FNIP1: variants seen among roughly 807,000 people sequenced by gnomAD.
The protein encoded by FNIP1 is folliculin-interacting protein 1.
A neutral mutation model predicts 124.5 loss-of-function variants in FNIP1; 40 were observed. The ratio of observed to expected loss-of-function variants is 0.32; its 90% CI spans 0.25 to 0.42. FNIP1 has a LOEUF of 0.42. Among genes scored for constraint, FNIP1 ranks in the 10% least tolerant of loss-of-function variants. FNIP1 has a pLI of 1.00. For missense variants in FNIP1, 1,176 were observed against 1,403.7 expected, an observed-to-expected ratio of 0.84 and a Z score of 2.59; for synonymous variants, 472 against 470.6, an observed-to-expected ratio of 1.00 and a Z score of -0.04.
At chr5:131,787,697 GT>G (rs1275442701) in intron 1 of FNIP1, among the ~76,000 whole-genome samples, 1 of 152,162 alleles carries the variant, frequency 6.6e-6, no homozygotes, top group East Asian at 1.9e-4. Flanking sequence ...AATTAAATGA[GT>G]TAATAGGTGT....
intron 1 of FNIP1, among the ~76,000 whole-genome samples, chr5:131,755,935 G>A (rs1010079562): frequency 2.0e-5 from 3 of 151,994 alleles, no homozygotes; most frequent in African/African-American, 7.3e-5. Context: ...CTTGAACCTG[G>A]GAGGCAAAGG....
At chr5:131,667,015 G>C (rs1767622526) in intron 15 of FNIP1, among the ~76,000 whole-genome samples, 1 of 152,100 alleles carries the variant, frequency 6.6e-6, no homozygotes, top group African/African-American at 2.4e-5. Context: ...ACAAATAATA[G>C]GCACTTCATC....
intron 2 of FNIP1, among the ~76,000 whole-genome samples, chr5:131,741,573 T>C (rs1032348848): frequency 3.9e-5 from 6 of 152,224 alleles, no homozygotes; most frequent in African/African-American, 1.4e-4. Context: ...TGTTATATTC[T>C]TCATTGACAA....
chr5:131,766,450 T>TA (rs1771428556), intron 1 of FNIP1, among the ~76,000 whole-genome samples: 1 of 152,236 alleles, frequency 6.6e-6, no homozygotes. Flanking sequence ...GAATGCTGGT[T>TA]AAATCTCCTT....
intron 1 of FNIP1, among the ~76,000 whole-genome samples, chr5:131,781,720 C>T (rs1356159254): frequency 2.0e-5 from 3 of 152,154 alleles, no homozygotes; most frequent in Admixed American, 2.0e-4. Flanking sequence ...CACCAAAGAG[C>T]TCCAATGGTG....
chr5:131,791,110 A>G lies in FNIP1; in HGVS notation c.92+5720T>C, dbSNP rs545143782. ...ATGATAATTAAAACAAAAAACCTGC[A>G]GTGAACAGCTCATTACCAATTACTT... is the stretch of plus-strand genomic sequence containing the variant. On this transcript the variant is annotated intron_variant, in intron 1 of 17. Transcript: ENST00000510461. Among the ~76,000 whole-genome samples the G allele has an allele frequency of 1.0e-3, 152 of 152,384 alleles. 1 individual carries two copies. The highest frequency in any genetic ancestry group is 3.4e-3 in the Middle Eastern group (1 of 294).
chr5:131,686,253 T>C (rs1028249714), intron 11 of FNIP1, among the ~76,000 whole-genome samples: 1 of 152,208 alleles, frequency 6.6e-6, no homozygotes, highest in East Asian at 1.9e-4. Context: ...CTGCTAAGAG[T>C]TGAACAGTAA....
intron 9 of FNIP1, 41 bp downstream of exon 9, chr5:131,706,370 G>C: frequency 1.3e-6 from 2 of 1,505,626 alleles, no homozygotes; most frequent in South Asian, 2.7e-5. Context: ...TGTGTTTAAG[G>C]AACTACTCAA....
At chr5:131,727,756 CT>C (rs1479398518) in intron 3 of FNIP1, among the ~76,000 whole-genome samples, 1 of 152,178 alleles carries the variant, frequency 6.6e-6, no homozygotes, top group Admixed American at 6.5e-5. Context: ...TTTGTTCATG[CT>C]GTTTCTTCTT....
intron 6 of FNIP1, among the ~76,000 whole-genome samples, chr5:131,714,508 G>A (rs1455756353): frequency 6.6e-6 from 1 of 152,170 alleles, no homozygotes. Context: ...AAATTCCTCA[G>A]TGTGGCCTAC....
chr5:131,796,959 C>A lies in FNIP1; in HGVS notation c.-38G>T. ...CAGGCAGGGGTCGCTCCGCTGGGCG[C>A]TTGCTAGGCCCCTGCTCCTACAGCC... On this transcript the variant is annotated 5_prime_UTR_variant, in exon 1 of 18. Transcript: ENST00000510461. 6.5e-7 allele frequency: 1 copy of A among 1,550,126 alleles called. No homozygotes were observed. Among genetic ancestry groups the A allele is most frequent in the South Asian group, 1.2e-5 (1 of 85,280 alleles).
At chr5:131,682,598 T>C (rs1768127281) in intron 11 of FNIP1, among the ~76,000 whole-genome samples, 1 of 152,024 alleles carries the variant, frequency 6.6e-6, no homozygotes, top group Admixed American at 6.6e-5. Flanking sequence ...GTGCCTGTAA[T>C]TCCAGCTACT....
chr5:131,726,972 T>C (rs1769898669), intron 3 of FNIP1, among the ~76,000 whole-genome samples: 1 of 152,242 alleles, frequency 6.6e-6, no homozygotes, highest in African/African-American at 2.4e-5. Context: ...GTGAGTTTCT[T>C]AATCCTGAAT....
intron 3 of FNIP1, among the ~76,000 whole-genome samples, chr5:131,722,757 C>A (rs1194163969): frequency 6.6e-6 from 1 of 152,198 alleles, no homozygotes; most frequent in Non-Finnish European, 1.5e-5. Context: ...ACAATCTCGG[C>A]TCACTGCAAC....
chr5:131,791,945 CT>C (rs1419588967), intron 1 of FNIP1, among the ~76,000 whole-genome samples: 1 of 151,838 alleles, frequency 6.6e-6, no homozygotes, highest in African/African-American at 2.4e-5. Context: ...AAAAGCCATC[CT>C]TTAATGAGTC....
At chr5:131,775,214 C>G (rs1771760674) in intron 1 of FNIP1, among the ~76,000 whole-genome samples, 1 of 152,142 alleles carries the variant, frequency 6.6e-6, no homozygotes, top group African/African-American at 2.4e-5. Flanking sequence ...AGACAGCAAA[C>G]AAACCTACGT....
chr5:131,721,776 C>T (rs561015932), intron 3 of FNIP1, among the ~76,000 whole-genome samples: 21 of 152,230 alleles, frequency 1.4e-4, no homozygotes, highest in Admixed American at 2.6e-4. Context: ...CCAGCCTGGG[C>T]GACAGAGCAA....
chr5:131,693,319 C>CACATATATATAT, intron 11 of FNIP1, among the ~76,000 whole-genome samples: 1 of 41,614 alleles, frequency 2.4e-5, no homozygotes, highest in South Asian at 8.2e-4. Context: ...TATATATACA[C>CACATATATATAT]ATATATATAT....
chr5:131,712,075 C>T (rs1468847780), intron 6 of FNIP1, among the ~76,000 whole-genome samples: 1 of 152,002 alleles, frequency 6.6e-6, no homozygotes, highest in Non-Finnish European at 1.5e-5. Context: ...TTTCCTATCA[C>T]CCTGCTTCAA....
Sources: gnomAD v4.1 joint callset for allele counts (sites outside exome capture counted in the v4.1 genomes callset) on GRCh38, gnomAD v4.1.1 for gene constraint, MANE v1.5 for transcripts, NCBI Gene and HGNC (gene_info 2026-07-23, HGNC 2026-07-21) for gene names.